Variants in AHNAK2 observed in about 807,000 individuals in gnomAD.
The protein encoded by AHNAK2 is protein AHNAK2.
Under a neutral mutation model 30.7 loss-of-function variants are expected in AHNAK2, and 18 were observed. That is an observed-to-expected ratio of 0.59 (90% confidence interval 0.41 to 0.87). AHNAK2 has a LOEUF of 0.87. Among genes scored for constraint, AHNAK2 ranks in the 40% least tolerant of loss-of-function variants. AHNAK2 has a pLI of 0.00. For missense variants in AHNAK2, 8,604 were observed against 7,373.0 expected, an observed-to-expected ratio of 1.17 and a Z score of -6.11; for synonymous variants, 3,590 against 3,073.8, an observed-to-expected ratio of 1.17 and a Z score of -5.56.
At position 104,957,527 on chromosome 14, in the gene AHNAK2, G is replaced by A; in HGVS notation, c.115-19C>T. 1 of 1,592,896 alleles carries A rather than the reference G, an allele frequency of 6.3e-7. No homozygotes were observed. The highest frequency in any genetic ancestry group is 8.6e-7 in the Non-Finnish European group (1 of 1,168,690). On this transcript the variant is annotated intron_variant, in intron 2 of 6. Transcript: ENST00000333244. ...CAGTCACCTGACGGGAGAGAATCCA[G>A]TTATTTTTGCCACTCGGTTCTCCCA...
rs1306786272 is a variant in AHNAK2 at position 104,952,231 on chromosome 14, C to A, written c.3220G>T (p.Gly1074Ter). 1 of 1,612,438 alleles carries A rather than the reference C, an allele frequency of 6.2e-7. No individual in the cohort carries two copies. The highest frequency in any genetic ancestry group is 1.7e-5 in the Admixed American group (1 of 59,916). The change falls in exon 7 of 7, where the codon GGA (glycine) becomes TGA (stop). Residue 1074 changes from glycine (G) to a stop codon, truncating the protein, a stop_gained. Coordinates refer to ENST00000333244, the MANE Select transcript of AHNAK2 (RefSeq NM_138420.4). LOFTEE classifies it low-confidence loss of function (END_TRUNC). ...VKLPEGHLPE[G>*]AGLKGHLPKV... is the part of the protein sequence containing the mutation. Reference sequence around the variant, plus strand: ...GGCAAGTGCCCTTTAAGGCCAGCTCCCTCGGGCAGGTGGCCCTCCGGGAGC... The same window carrying A: ...GGCAAGTGCCCTTTAAGGCCAGCTCACTCGGGCAGGTGGCCCTCCGGGAGC...
At chr14:104,963,690 T>C (rs1169813760) in intron 1 of AHNAK2, among the ~76,000 whole-genome samples, 4 of 151,732 alleles carry the variant, frequency 2.6e-5, no homozygotes, top group Non-Finnish European at 4.4e-5. Context: ...ATTAGCCGGG[T>C]GTGGTGGCGG....
chr14:104,938,717 A>G lies in AHNAK2; in HGVS notation c.16734T>C (p.Ser5578=), dbSNP rs754979935. Reference sequence around the variant, plus strand: ...GCTGTCCCAGTACATTGACGCTGGAAGAGATCATCTCAAATGGTTCTCCAG... The same window carrying G: ...GCTGTCCCAGTACATTGACGCTGGAGGAGATCATCTCAAATGGTTCTCCAG... ...PDTGEPFEMI[S]SSVNVLGQQT... is the part of the protein sequence containing the mutation. Residue 5578 remains serine (S), a synonymous_variant, in exon 7 of 7, where the codon TCT becomes TCC. Transcript: ENST00000333244. 10 of 1,613,634 alleles carry G rather than the reference A, an allele frequency of 6.2e-6. No homozygotes were observed. Among genetic ancestry groups the G allele is most frequent in the Non-Finnish European group, 8.5e-6 (10 of 1,179,804 alleles).
Position 104,949,814 on chromosome 14 carries a change from G to C in AHNAK2, c.5637C>G (p.Asp1879Glu). The C allele has an allele frequency of 1.9e-6, 3 of 1,587,438 alleles. No homozygotes were observed. The highest frequency in any genetic ancestry group is 3.3e-4 in the Middle Eastern group (2 of 6,030). ...CCACTTGGCCAGCCTGGACCACCAG[G>C]TCTGCAGAAGGGAGCGGAATGCAGA... ...TDLCIPLPSA[D>E]LVVQAGQVDM... is the part of the protein sequence containing the mutation. The change falls in exon 7 of 7, where the codon GAC becomes GAG. Residue 1879 changes from aspartate (D) to glutamate (E), a missense_variant. Transcript: ENST00000333244.
At chr14:104,970,402 C>G in intron 1 of AHNAK2, 1 of 985,314 alleles carries the variant, frequency 1.0e-6, no homozygotes, top group Non-Finnish European at 1.2e-6. Context: ...CCCCACAGAC[C>G]CGCGGAAGAG....
rs201735641 is a variant in AHNAK2, at chr14:104,949,923, T to G, written c.5528A>C (p.Glu1843Ala). The change falls in exon 7 of 7, where the codon GAG (glutamate) becomes GCG (alanine). Residue 1843 changes from glutamate (E) to alanine (A), a missense_variant. Glu to Ala is a moderately radical substitution (Grantham distance 107). Coordinates refer to ENST00000333244, the MANE Select transcript of AHNAK2 (RefSeq NM_138420.4). Reference sequence around the variant, plus strand: ...CGGCGCAGACACATCCACCGAGGCCTCGATGGACTTGCCTGGGGCAGACAC... The same window carrying G: ...CGGCGCAGACACATCCACCGAGGCCGCGATGGACTTGCCTGGGGCAGACAC... ...FGVSAPGKSI[E>A]ASVDVSAPKV... is the part of the protein sequence containing the mutation. The G allele has an allele frequency of 2.7e-4, 430 of 1,588,374 alleles. 24 individuals are homozygous for G. In the African/African-American group the frequency reaches 3.4e-3, roughly 13 times the overall value.
In AHNAK2 at chr14:104,956,693, C is replaced by T; in HGVS notation, c.214-4G>A. ...CTTGCCTGCCGGGGGCGTCTTCCTGCAGCCACAAGTGTTGGGAGTTAGGCA... is the reference window on the plus strand; with the variant it reads ...CTTGCCTGCCGGGGGCGTCTTCCTGTAGCCACAAGTGTTGGGAGTTAGGCA... On this transcript the variant is annotated splice_polypyrimidine_tract_variant and splice_region_variant and intron_variant, in intron 3 of 6. Coordinates refer to ENST00000333244, the MANE Select transcript of AHNAK2 (RefSeq NM_138420.4). 1 of 1,613,462 alleles carries T rather than the reference C, an allele frequency of 6.2e-7. No homozygotes were observed. The highest frequency in any genetic ancestry group is 1.1e-5 in the South Asian group (1 of 91,080).
chr14:104,957,727 G>A (rs1489827245), intron 1 of AHNAK2, 55 bp from the exon 2 acceptor site: 1 of 1,553,566 alleles, frequency 6.4e-7, no homozygotes, highest in Non-Finnish European at 8.7e-7. Context: ...GCAGATCGGG[G>A]CCCGGGGGAG....
At chr14:104,957,799 A>T (rs1057139332) in intron 1 of AHNAK2, 127 bp from the exon 2 acceptor site, 2 of 962,064 alleles carry the variant, frequency 2.1e-6, no homozygotes, top group African/African-American at 3.2e-5. Flanking sequence ...ACTGGATCGG[A>T]GAGCAAACTC....
At position 104,940,137 on chromosome 14, in the gene AHNAK2, C is replaced by G; in HGVS notation, c.15314G>C (p.Arg5105Thr). 2 of 1,613,392 alleles carry G rather than the reference C, an allele frequency of 1.2e-6. No individual in the cohort carries two copies. Among genetic ancestry groups the G allele is most frequent in the South Asian group, 2.2e-5 (2 of 91,082 alleles). Residue 5105 changes from arginine to threonine, a missense_variant, in exon 7 of 7, where the codon AGA (arginine) becomes ACA (threonine). Coordinates refer to ENST00000333244, the MANE Select transcript of AHNAK2 (RefSeq NM_138420.4). This position sits in a 1 kb window ranked among gnomAD's most constrained non-coding sequence, Gnocchi z 4.4. ...PSLGFAKPDL[R>T]SSKAKVEVSQ... The stretch of plus-strand genomic sequence containing the variant: ...CACCTCCACCTTGGCCTTGGAGGAT[C>G]TGAGATCAGGTTTGGCAAAGCCCAA...
chr14:104,951,097 C>T lies in AHNAK2; in HGVS notation c.4354G>A (p.Val1452Met), dbSNP rs1209450576. 2 of 1,066,868 alleles carry T rather than the reference C, an allele frequency of 1.9e-6. No homozygotes were observed. Among genetic ancestry groups the T allele is most frequent in the Non-Finnish European group, 2.7e-6 (2 of 735,588 alleles). The allele number at this position is 1,066,868 out of a possible 1,614,324, so 66.1% of individuals were successfully genotyped here. ...DPKVEVTAPD[V>M]EVSLPSVEVD... is the part of the protein sequence containing the mutation. ...TCCACGCTGGGCAGAGAAACCTCCA[C>T]ATCAGGGGCTGTCACTTCCACCTTG... Residue 1452 changes from valine to methionine, a missense_variant, in exon 7 of 7, where the codon GTG becomes ATG. By Grantham distance (21) the Val-to-Met change is conservative (BLOSUM62 1). Transcript: ENST00000333244.
In AHNAK2 at chr14:104,942,233, G is replaced by C. The variant is rs201721311; in HGVS notation, c.13218C>G (p.Pro4406=). The C allele has an allele frequency of 1.9e-6, 3 of 1,613,006 alleles. No individual in the cohort carries two copies. The highest frequency in any genetic ancestry group is 2.5e-6 in the Non-Finnish European group (3 of 1,179,790). The change falls in exon 7 of 7, where the codon CCC becomes CCG. Residue 4406 remains proline, a synonymous_variant. Coordinates refer to ENST00000333244, the MANE Select transcript of AHNAK2 (RefSeq NM_138420.4). The part of the protein sequence containing the change: ...LKGPQIDVNV[P]KLDLKGPKVE... ...CCTTGGGGCCTTTCAGGTCCAGCTT[G>C]GGGACATTAACGTCTATCTGGGGAC...
chr14:104,948,800 C>T lies in AHNAK2; in HGVS notation c.6651G>A (p.Val2217=), dbSNP rs1898471364. The part of the protein sequence containing the change: ...SADVKVQAGQ[V]DVKLLEGPVP... ...CAGGGCCCTCCAGGAGTTTCACGTC[C>T]ACCTGGCCAGCCTGGACCTTCACGT... is the stretch of plus-strand genomic sequence containing the variant. The change falls in exon 7 of 7, where the codon GTG becomes GTA. Residue 2217 remains valine, a synonymous_variant. Transcript: ENST00000333244. 6.2e-7 allele frequency: 1 copy of T among 1,612,538 alleles called. No individual in the cohort carries two copies. The highest frequency in any genetic ancestry group is 1.7e-4 in the Middle Eastern group (1 of 6,056).
Position 104,940,790 on chromosome 14 carries a change from T to A in AHNAK2, c.14661A>T (p.Ala4887=), listed in dbSNP as rs1236053948. ...GAGGAGACATGACTGGGGCACCCAC[T>A]GCTGCATGTAGGTCTCCCTCAGGAA... is the stretch of plus-strand genomic sequence containing the variant. ...MAVPEGDLHA[A]VGAPVMSPLS... The change falls in exon 7 of 7, where the codon GCA becomes GCT. Residue 4887 remains alanine, a synonymous_variant. Transcript: ENST00000333244. This position sits in a 1 kb window ranked among gnomAD's most constrained non-coding sequence, Gnocchi z 4.4. 1 of 1,613,046 alleles carries A rather than the reference T, an allele frequency of 6.2e-7. No individual in the cohort carries two copies. Among genetic ancestry groups the A allele is most frequent in the Non-Finnish European group, 8.5e-7 (1 of 1,179,888 alleles).
At position 104,941,233 on chromosome 14, in the gene AHNAK2, C is replaced by G; in HGVS notation, c.14218G>C (p.Glu4740Gln). ...GLSTIPLSSS[E>Q]CSSFELQQVS... The stretch of plus-strand genomic sequence containing the variant: ...TGTTGTAATTCAAAACTTGAGCATT[C>G]TGAAGATGATAAAGGAATCGTGGAA... Residue 4740 changes from glutamate to glutamine, a missense_variant, in exon 7 of 7, where the codon GAA (glutamate) becomes CAA (glutamine). Transcript: ENST00000333244. 6.2e-7 allele frequency: 1 copy of G among 1,613,628 alleles called. No homozygotes were observed. The highest frequency in any genetic ancestry group is 2.2e-5 in the East Asian group (1 of 44,884).
Position 104,955,039 on chromosome 14 carries a change from A to G in AHNAK2, c.569T>C (p.Ile190Thr). 1 of 1,613,680 alleles carries G rather than the reference A, an allele frequency of 6.2e-7. No individual in the cohort carries two copies. The highest frequency in any genetic ancestry group is 8.5e-7 in the Non-Finnish European group (1 of 1,179,880). ...YSEPYKVQFKIRRQLPAPQDE... is the reference protein window; with the variant it reads ...YSEPYKVQFKTRRQLPAPQDE... ...CTGTGGGGCAGGGAGCTGCCGTCTG[A>G]TTTTGAACTGAACCTTGTACGGCTC... Residue 190 changes from isoleucine (I) to threonine (T), a missense_variant, in exon 6 of 7, where the codon ATC (isoleucine) becomes ACC (threonine). Transcript: ENST00000333244.
At chr14:104,962,765 G>A (rs1438088213) in intron 1 of AHNAK2, among the ~76,000 whole-genome samples, 1 of 152,130 alleles carries the variant, frequency 6.6e-6, no homozygotes, top group Non-Finnish European at 1.5e-5. Context: ...CCAACAGAAA[G>A]CAAAGTCTTT....
In AHNAK2 at chr14:104,938,391, A is replaced by G. The variant is rs957082009; in HGVS notation, c.17060T>C (p.Leu5687Pro). 3.7e-6 allele frequency: 6 copies of G among 1,613,932 alleles called. No homozygotes were observed. In the East Asian group the frequency reaches 6.7e-5, roughly 18 times the overall value. ...TQPEARPEAE[L>P]PKKQEKAGWF... Reference sequence around the variant, plus strand: ...GCCTGCCTTCTCCTGTTTTTTAGGCAGTTCTGCCTCTGGTCGTGCCTCAGG... The same window carrying G: ...GCCTGCCTTCTCCTGTTTTTTAGGCGGTTCTGCCTCTGGTCGTGCCTCAGG... Residue 5687 changes from leucine to proline, a missense_variant, in exon 7 of 7, where the codon CTG becomes CCG. Physicochemically the swap from Leu to Pro is moderately conservative, Grantham distance 98. Transcript: ENST00000333244.
Position 104,954,702 on chromosome 14 carries a change from C to T in AHNAK2, c.749G>A (p.Arg250Lys), listed in dbSNP as rs1898917479. Residue 250 changes from arginine (R) to lysine (K), a missense_variant, in exon 7 of 7, where the codon AGA (arginine) becomes AAA (lysine). Physicochemically the swap from Arg to Lys is conservative, Grantham distance 26. Coordinates refer to ENST00000333244, the MANE Select transcript of AHNAK2 (RefSeq NM_138420.4). This position sits in a 1 kb window ranked among gnomAD's most constrained non-coding sequence, Gnocchi z 4.3. ...CCTCTCCCTCTGGCTCTGCCTGCCT[C>T]TCCCCACCCTTGGTTTGGAGATGAG... is the stretch of plus-strand genomic sequence containing the variant. ...ERLISKPRVG[R>K]GRQSQRERLS... 1 of 1,612,882 alleles carries T rather than the reference C, an allele frequency of 6.2e-7. No individual in the cohort carries two copies. Among genetic ancestry groups the T allele is most frequent in the Non-Finnish European group, 8.5e-7 (1 of 1,179,656 alleles).
Sources: allele counts gnomAD v4.1 joint callset (sites outside exome capture counted in the v4.1 genomes callset), GRCh38; gene constraint gnomAD v4.1.1; non-coding constraint Gnocchi (gnomAD v3.1); transcripts MANE v1.5; gene names NCBI Gene and HGNC (gene_info 2026-07-23, HGNC 2026-07-21).